The following KIAA1217 variants were observed in gnomAD, a reference collection of about 807,000 sequenced individuals.
KIAA1217 encodes the protein sickle tail protein homolog.
KIAA1217 carries 88 observed loss-of-function variants against 163.9 expected under a neutral mutation model. The observed-to-expected ratio is 0.54, with a 90% confidence interval of 0.45 to 0.64. The LOEUF is 0.64. Among genes scored for constraint, KIAA1217 ranks in the 30% least tolerant of loss-of-function variants. The pLI, the probability that KIAA1217 is intolerant of heterozygous loss-of-function variation, is 0.00. For synonymous variants in KIAA1217, 903 were observed against 923.1 expected (o/e 0.98, Z 0.39); for missense variants, 2,372 against 2,475.0 (o/e 0.96, Z 0.88).
At chr10:24,096,069 CT>C (rs1260491585) in intron 2 of KIAA1217, among the ~76,000 whole-genome samples, 2 of 152,200 alleles carry the variant, frequency 1.3e-5, no homozygotes, top group Non-Finnish European at 2.9e-5. Context: ...GATTGCACCA[CT>C]GTATTCCATC....
intron 2 of KIAA1217, among the ~76,000 whole-genome samples, chr10:24,337,004 A>G (rs1453754760): frequency 1.3e-5 from 2 of 152,240 alleles, no homozygotes; most frequent in African/African-American, 2.4e-5. Flanking sequence ...GAATTTGGCA[A>G]TGATTTTATA....
At chr10:23,902,421 A>G (rs930433126) in intron 1 of KIAA1217, among the ~76,000 whole-genome samples, 6 of 152,080 alleles carry the variant, frequency 3.9e-5, no homozygotes, top group Admixed American at 2.0e-4. Context: ...GTCTGATTGG[A>G]TGGGCCACAA....
rs574287436 is a variant in KIAA1217 at position 23,878,876 on chromosome 10, G to A, written c.-320-128349G>A. On this transcript the variant is annotated intron_variant, in intron 1 of 18. Coordinates refer to the KIAA1217 transcript ENST00000376462. ...TTTGGGGTATGAGAGAAAAAAGATC[G>A]GGTTGACTCCGAAGTTTTTGGCTTG... Among the ~76,000 whole-genome samples the A allele has an allele frequency of 2.6e-5, 4 of 151,954 alleles. No individual in the cohort carries two copies. The East Asian group carries it at 5.9e-4, about 22-fold the overall frequency.
chr10:24,350,871 G>T (rs59992803), intron 2 of KIAA1217, among the ~76,000 whole-genome samples: 1 of 151,310 alleles, frequency 6.6e-6, no homozygotes, highest in African/African-American at 2.4e-5. Flanking sequence ...TAATTGCAAG[G>T]GTCGTTTTCA....
chr10:24,227,558 A>C (rs1379771718), intron 2 of KIAA1217, among the ~76,000 whole-genome samples: 5 of 148,716 alleles, frequency 3.4e-5, no homozygotes, highest in African/African-American at 7.7e-5. Flanking sequence ...TTTGAGTCAG[A>C]GTCTTGCTCT....
chr10:24,539,600 A>G (rs2074693806), intron 17 of KIAA1217, among the ~76,000 whole-genome samples: 1 of 152,192 alleles, frequency 6.6e-6, no homozygotes, highest in Admixed American at 6.5e-5. Context: ...GGTCTCATTT[A>G]TCTCAGTTGA....
At chr10:23,841,714 A>T (rs572957400) in intron 1 of KIAA1217, among the ~76,000 whole-genome samples, 75 of 152,240 alleles carry the variant, frequency 4.9e-4, no homozygotes, top group Non-Finnish European at 9.0e-4. Flanking sequence ...GCTTAAATTG[A>T]TTTAAACTTA....
At chr10:23,762,319 A>G (rs1329493384) in intron 1 of KIAA1217, among the ~76,000 whole-genome samples, 1 of 152,110 alleles carries the variant, frequency 6.6e-6, no homozygotes, top group Admixed American at 6.5e-5. Context: ...ACAACAAAAA[A>G]AAAAAAGAAA....
Position 24,364,135 on chromosome 10 carries a change from C to T in KIAA1217, c.355-16734C>T, listed in dbSNP as rs574720717. ...CTGAGATTACAGGCGCCCACCACCA[C>T]GCCCAGCTAATTTTTGTATTTTTAG... On this transcript the variant is annotated intron_variant, in intron 2 of 20. Coordinates refer to ENST00000376454, the MANE Select transcript of KIAA1217 (RefSeq NM_019590.5). Among the ~76,000 whole-genome samples, 8 of 152,044 alleles carry T rather than the reference C, an allele frequency of 5.3e-5. No homozygotes were observed. The South Asian group carries it at 1.3e-3, about 24-fold the overall frequency.
chr10:23,922,805 C>T (rs1011270113), intron 1 of KIAA1217, among the ~76,000 whole-genome samples: 2 of 151,954 alleles, frequency 1.3e-5, no homozygotes, highest in African/African-American at 2.4e-5. Flanking sequence ...AGGAACATGG[C>T]GGCCTGAAAT....
rs984347114 is a variant in KIAA1217 at position 23,695,894 on chromosome 10, C to A, written c.-321+660C>A. ...GAAGCTGGTCATTAATTCTTGTCATCGGGAGGTTTCGCGGAGGGCGACAGC... is the reference window on the plus strand; with the variant it reads ...GAAGCTGGTCATTAATTCTTGTCATAGGGAGGTTTCGCGGAGGGCGACAGC... On this transcript the variant is annotated intron_variant, in intron 1 of 18. Transcript: ENST00000376462. The surrounding 1 kb of genome is among the most constrained non-coding windows in gnomAD (Gnocchi z 4.9). Among the ~76,000 whole-genome samples, 3 of 152,294 alleles carry A rather than the reference C, an allele frequency of 2.0e-5. No homozygotes were observed. In the South Asian group the frequency reaches 6.2e-4, roughly 32 times the overall value.
intron 1 of KIAA1217, among the ~76,000 whole-genome samples, chr10:23,940,319 G>C (rs2131333157): frequency 6.6e-6 from 1 of 152,080 alleles, no homozygotes; most frequent in African/African-American, 2.4e-5. Context: ...AATTAGCCAG[G>C]TGTGGTGGCA....
intron 1 of KIAA1217, among the ~76,000 whole-genome samples, chr10:23,897,943 C>T (rs1408054256): frequency 1.3e-5 from 2 of 151,744 alleles, no homozygotes; most frequent in African/African-American, 2.4e-5. Flanking sequence ...TTTTTAAAAA[C>T]GCTCTCTCCT....
intron 2 of KIAA1217, among the ~76,000 whole-genome samples, chr10:24,277,568 G>T (rs12218530): frequency 0.091 from 13,854 of 152,142 alleles, 1,204 homozygotes; most frequent in East Asian, 0.23. Context: ...TCATGGGGGC[G>T]GTTTTCCCCA....
chr10:23,702,482 A>G (rs1011887513), intron 1 of KIAA1217, among the ~76,000 whole-genome samples: 4 of 152,150 alleles, frequency 2.6e-5, no homozygotes, highest in Admixed American at 2.6e-4. Context: ...AACCTATTTA[A>G]TTTATGGCTG....
In KIAA1217 at chr10:24,381,042, C is replaced by A. The variant is rs750763828; in HGVS notation, c.528C>A (p.Thr176=). Residue 176 remains threonine (T), a synonymous_variant, in exon 3 of 21, where the codon ACC becomes ACA. Transcript: ENST00000376454. ...CGAGCCTTCCTGTGGTGAGGTCAAC[C>A]AACCAGACGAAAGAAAGATCTCTGG... ...TRASLPVVRS[T]NQTKERSLGV... is the part of the protein sequence containing the mutation. 6.3e-7 allele frequency: 1 copy of A among 1,578,986 alleles called. No homozygotes were observed. Among genetic ancestry groups the A allele is most frequent in the Non-Finnish European group, 8.6e-7 (1 of 1,162,084 alleles).
In KIAA1217 at chr10:24,148,575, G is replaced by A. The variant is rs111914228; in HGVS notation, c.-170-71051G>A. Among the ~76,000 whole-genome samples the A allele has an allele frequency of 5.5e-3, 840 of 152,214 alleles. 5 individuals carry two copies. The highest frequency in any genetic ancestry group is 0.014 in the Middle Eastern group (4 of 292). On this transcript the variant is annotated intron_variant, in intron 2 of 18. Coordinates refer to the KIAA1217 transcript ENST00000376462. The stretch of plus-strand genomic sequence containing the variant: ...GTTCCCGCAAGAGTTGGTTGTTTAA[G>A]GGAGCTTGACACTGCCTCCTCACTC...
rs151335719 is a variant in KIAA1217 at position 24,302,058 on chromosome 10, G to T, written c.355-78811G>T. Among the ~76,000 whole-genome samples the T allele has an allele frequency of 2.0e-3, 305 of 152,214 alleles. 1 individual carries two copies. The highest frequency in any genetic ancestry group is 6.8e-3 in the African/African-American group (281 of 41,546). ...AGACTCCATCTCAAAGAAAAGAAAA[G>T]ACTGAGAGACAGCAAACGAGACATA... On this transcript the variant is annotated intron_variant, in intron 2 of 20. Coordinates refer to ENST00000376454, the MANE Select transcript of KIAA1217 (RefSeq NM_019590.5).
At chr10:24,062,635 A>G (rs1285862572) in intron 2 of KIAA1217, among the ~76,000 whole-genome samples, 11 of 151,920 alleles carry the variant, frequency 7.2e-5, no homozygotes, top group African/African-American at 9.7e-5. Context: ...ATGATTTATA[A>G]GCCTTTGGGT....
Sources: gnomAD v4.1 joint callset for allele counts (sites outside exome capture counted in the v4.1 genomes callset) on GRCh38, gnomAD v4.1.1 for gene constraint, Gnocchi (gnomAD v3.1) non-coding constraint, MANE v1.5 for transcripts, NCBI Gene and HGNC (gene_info 2026-07-23, HGNC 2026-07-21) for gene names.